ABCA8: variants seen among roughly 807,000 people sequenced by gnomAD.
ABCA8 encodes the protein ABC-type organic anion transporter ABCA8.
In ABCA8, 177 loss-of-function variants were observed where a neutral mutation model predicts 192.3. The observed-to-expected ratio is 0.92, with a 90% confidence interval of 0.81 to 1.04. The LOEUF (loss-of-function observed/expected upper bound fraction) is 1.04, where lower values mean the gene tolerates loss of function less well. Ranked by LOEUF, ABCA8 falls within the 50% of genes least tolerant of loss-of-function variation. ABCA8 has a pLI of 0.00. For missense variants in ABCA8, 1,915 were observed against 1,904.8 expected (o/e 1.01, Z -0.10); for synonymous variants, 642 against 690.2 (o/e 0.93, Z 1.09).
In ABCA8 at chr17:68,868,283, T is replaced by A; in HGVS notation, c.4767+18A>T. 1.2e-6 allele frequency: 2 copies of A among 1,612,660 alleles called. No homozygotes were observed. The highest frequency in any genetic ancestry group is 2.2e-5 in the South Asian group (2 of 91,026). On this transcript the variant is annotated intron_variant, in intron 39 of 39. Coordinates refer to ENST00000586539, the MANE Select transcript of ABCA8 (RefSeq NM_001288985.2). ...ACACATATACCATGGATGATACGAA[T>A]CCCTAAAAATGACCCACCTGCTCCA... is the stretch of plus-strand genomic sequence containing the variant.
intron 24 of ABCA8, among the ~76,000 whole-genome samples, chr17:68,889,138 G>A (rs1403146341): frequency 6.6e-6 from 1 of 152,184 alleles, no homozygotes; most frequent in African/African-American, 2.4e-5. Context: ...CACATGAAAA[G>A]GGAACATTAC....
chr17:68,917,958 A>G, intron 16 of ABCA8, 89 bp downstream of exon 16: 6 of 1,484,560 alleles, frequency 4.0e-6, no homozygotes, highest in Non-Finnish European at 5.4e-6. Context: ...AGATTACCGA[A>G]TTACAAAATA....
rs1201786070 is a variant in ABCA8 at position 68,877,596 on chromosome 17, C to T, written c.4122G>A (p.Leu1374=). ...CPQENALWPN[L]TVRQHLEVYA... is the part of the protein sequence containing the mutation. The stretch of plus-strand genomic sequence containing the variant: ...ACACCTCCAGGTGCTGCCTCACTGT[C>T]AGGTTGGGCCACAGCGCGTTCTCCT... The change falls in exon 33 of 40, where the codon CTG becomes CTA. Residue 1374 remains leucine (L), a synonymous_variant. Transcript: ENST00000586539. 1 of 1,614,118 alleles carries T rather than the reference C, an allele frequency of 6.2e-7. No individual in the cohort carries two copies. The highest frequency in any genetic ancestry group is 2.2e-5 in the East Asian group (1 of 44,884).
In ABCA8 at chr17:68,898,700, C is replaced by G. The variant is rs1192460497; in HGVS notation, c.2765-3687G>C. On this transcript the variant is annotated intron_variant, in intron 21 of 39. Coordinates refer to ENST00000586539, the MANE Select transcript of ABCA8 (RefSeq NM_001288985.2). ...TTTGAAAACAATGGCACAAAGGAGG[C>G]AGGTGGAAGCCTAGCTGTATTGGAG... is the stretch of plus-strand genomic sequence containing the variant. Among the ~76,000 whole-genome samples, 5 of 152,050 alleles carry G rather than the reference C, an allele frequency of 3.3e-5. No homozygotes were observed. In the East Asian group the frequency reaches 9.6e-4, roughly 29 times the overall value.
intron 24 of ABCA8, among the ~76,000 whole-genome samples, chr17:68,889,739 C>T (rs113131696): frequency 6.6e-6 from 1 of 152,136 alleles, no homozygotes; most frequent in Non-Finnish European, 1.5e-5. Context: ...AGCCTGCCTT[C>T]TGTCACTATA....
At position 68,907,825 on chromosome 17, in the gene ABCA8, C is replaced by T; in HGVS notation, c.2193G>A (p.Gln731=). Residue 731 remains glutamine, a synonymous_variant, in exon 18 of 40, where the codon CAG becomes CAA. Transcript: ENST00000586539. ...VEENITSLVK[Q]HIPDAKLSAK... ...CTGATAATTTGGCATCAGGGATGTG[C>T]TGTTTAACAAGTGATGTTATGTTTT... 1.9e-6 allele frequency: 3 copies of T among 1,608,346 alleles called. No homozygotes were observed. Among genetic ancestry groups the T allele is most frequent in the Middle Eastern group, 1.7e-4 (1 of 5,954 alleles).
At chr17:68,929,807 TTC>T in intron 7 of ABCA8, 105 bp from the exon 8 acceptor site, 2 of 1,038,484 alleles carry the variant, frequency 1.9e-6, no homozygotes, top group Non-Finnish European at 2.7e-6. Flanking sequence ...CATCCATTCA[TTC>T]TCTCTTTCAA....
In ABCA8 at chr17:68,895,002, C is replaced by T. The variant is rs150312203; in HGVS notation, c.2776G>A (p.Asp926Asn). The T allele has an allele frequency of 7.5e-5, 120 of 1,607,394 alleles. No individual in the cohort carries two copies. The highest frequency in any genetic ancestry group is 1.7e-4 in the Middle Eastern group (1 of 6,022). ...TGCTCCACAGACTGTATAAAGTCAT[C>T]AATGCTTGCCCCTAAGGTGTAGTTA... ...LIINKTGASI[D>N]DFIQSVEHQN... The change falls in exon 22 of 40, where the codon GAT becomes AAT. Residue 926 changes from aspartate (D) to asparagine (N), a missense_variant. Coordinates refer to ENST00000586539, the MANE Select transcript of ABCA8 (RefSeq NM_001288985.2).
chr17:68,951,411 G>C (rs1419664922), intron 1 of ABCA8, among the ~76,000 whole-genome samples: 2 of 152,146 alleles, frequency 1.3e-5, no homozygotes, highest in African/African-American at 4.8e-5. Context: ...ATATTTGAAA[G>C]TGTTCCACGT....
In ABCA8 at chr17:68,937,016, G is replaced by T. The variant is rs548959696; in HGVS notation, c.401C>A (p.Ser134Ter). 4.3e-6 allele frequency: 7 copies of T among 1,610,416 alleles called. No individual in the cohort carries two copies. The East Asian group carries it at 1.1e-4, about 26-fold the overall frequency. Residue 134 changes from serine (S) to a stop codon, truncating the protein, a stop_gained, in exon 5 of 40, where the codon TCA becomes TAA. Transcript: ENST00000586539. LOFTEE classifies it high-confidence loss of function. ...IVRVTFTNTY[S>*]YHLKFLLGHG... ...TCCTAGCAAGAACTTCAAATGATAT[G>T]AGTATGTATTAGTAAAGGTGACTCT...
chr17:68,929,834 G>T, intron 7 of ABCA8, 132 bp from the exon 8 acceptor site: 1 of 852,378 alleles, frequency 1.2e-6, no homozygotes, highest in Non-Finnish European at 1.7e-6. Context: ...TATTTATTGG[G>T]TGTTCTAAGA....
intron 38 of ABCA8, among the ~76,000 whole-genome samples, chr17:68,868,571 GT>G (rs1370979857): frequency 6.6e-6 from 1 of 152,184 alleles, no homozygotes; most frequent in Non-Finnish European, 1.5e-5. Context: ...ATGTTGTGCA[GT>G]TTTTGCGAAC....
In ABCA8 at chr17:68,869,781, T is replaced by G; in HGVS notation, c.4632-2A>C. The G allele has an allele frequency of 6.2e-7, 1 of 1,608,608 alleles. No homozygotes were observed. Among genetic ancestry groups the G allele is most frequent in the Non-Finnish European group, 8.5e-7 (1 of 1,175,212 alleles). ...TTATAAACCATCAGAGAGGAGTACC[T>G]GAGAGAAAAGGAGAGGTAAGAAGAG... is the stretch of plus-strand genomic sequence containing the variant. On this transcript the variant is annotated splice_acceptor_variant, in intron 37 of 39. Transcript: ENST00000586539. LOFTEE classifies it high-confidence loss of function.
chr17:68,927,563 G>T (rs540302473), intron 10 of ABCA8, among the ~76,000 whole-genome samples: 1 of 151,868 alleles, frequency 6.6e-6, no homozygotes, highest in Non-Finnish European at 1.5e-5. Flanking sequence ...CCGGAGCTCA[G>T]AACCATCGAG....
rs761286435 is a variant in ABCA8, at chr17:68,918,095, C to A, written c.1999G>T (p.Val667Leu). ...ATGAACTGGGTACTGAAGAGGATCA[C>A]GCGGTCTGTTTTGCGTTCTTTCAGA... ...NLLKERKTDR[V>L]ILFSTQFMDE... Residue 667 changes from valine to leucine, a missense_variant, in exon 16 of 40, where the codon GTG (valine) becomes TTG (leucine). Physicochemically the swap from Val to Leu is conservative, Grantham distance 32. Coordinates refer to ENST00000586539, the MANE Select transcript of ABCA8 (RefSeq NM_001288985.2). The A allele has an allele frequency of 6.2e-7, 1 of 1,614,032 alleles. No homozygotes were observed. Among genetic ancestry groups the A allele is most frequent in the Non-Finnish European group, 8.5e-7 (1 of 1,180,028 alleles).
In ABCA8 at chr17:68,913,809, C is replaced by A. The variant is rs184763214; in HGVS notation, c.2138+3552G>T. Reference sequence around the variant, plus strand: ...ACTTAAAGAATAACTAATACCAATCCTATTCAAAATTATTCTGAAAAATAG... The same window carrying A: ...ACTTAAAGAATAACTAATACCAATCATATTCAAAATTATTCTGAAAAATAG... On this transcript the variant is annotated intron_variant, in intron 17 of 39. Transcript: ENST00000586539. Among the ~76,000 whole-genome samples the A allele has an allele frequency of 2.6e-5, 4 of 152,158 alleles. No homozygotes were observed. In the East Asian group the frequency reaches 5.8e-4, roughly 22 times the overall value.
chr17:68,921,591 T>C (rs544328028), intron 12 of ABCA8, 99 bp from the exon 13 acceptor site: 39 of 622,496 alleles, frequency 6.3e-5, no homozygotes, highest in Non-Finnish European at 9.9e-5. Flanking sequence ...TGAATTGTTA[T>C]TAATTCTCTT....
intron 1 of ABCA8, among the ~76,000 whole-genome samples, chr17:68,953,042 G>A (rs1470423158): frequency 6.6e-6 from 1 of 152,174 alleles, no homozygotes; most frequent in Non-Finnish European, 1.5e-5. Flanking sequence ...ATCAACCACT[G>A]CTACACAAAT....
chr17:68,930,046 A>G (rs1251279903), intron 7 of ABCA8, among the ~76,000 whole-genome samples: 1 of 152,062 alleles, frequency 6.6e-6, no homozygotes, highest in Non-Finnish European at 1.5e-5. Flanking sequence ...TATTTGCTGC[A>G]TTCTTGCTCT....
Sources: gnomAD v4.1 joint callset for allele counts (sites outside exome capture counted in the v4.1 genomes callset) on GRCh38, gnomAD v4.1.1 for gene constraint, MANE v1.5 for transcripts, NCBI Gene and HGNC (gene_info 2026-07-23, HGNC 2026-07-21) for gene names.